Variants in UBQLN1 observed in about 807,000 individuals in gnomAD.
UBQLN1 encodes the protein ubiquilin-1.
A neutral mutation model predicts 65.4 loss-of-function variants in UBQLN1; 13 were observed. The observed-to-expected ratio is 0.20, with a 90% CI of 0.13 to 0.32. The LOEUF is 0.32. Ranked by LOEUF, UBQLN1 falls within the 10% of genes least tolerant of loss-of-function variation. The pLI is 1.00. For synonymous variants in UBQLN1, 267 were observed against 247.8 expected, an observed-to-expected ratio of 1.08 and a Z score of -0.73; for missense variants, 561 against 724.0, an observed-to-expected ratio of 0.77 and a Z score of 2.58.
intron 9 of UBQLN1, among the ~76,000 whole-genome samples, chr9:83,664,418 A>G (rs1214219388): frequency 6.6e-6 from 1 of 152,026 alleles, no homozygotes; most frequent in East Asian, 1.9e-4. Context: ...GACTATCTCT[A>G]AAAGGAATTT....
intron 3 of UBQLN1, 81 bp from the exon 4 acceptor site, chr9:83,680,118 A>T (rs943012588): frequency 7.0e-7 from 1 of 1,419,938 alleles, no homozygotes; most frequent in East Asian, 2.4e-5. Flanking sequence ...GAAGATGCAA[A>T]AAAGTATTAG....
rs756343425 is a variant in UBQLN1 at position 83,667,778 on chromosome 9, CAA to C, written c.1249-1347_1249-1346del. 1.7e-3 allele frequency: 1,620 copies of C among 973,610 alleles called. 7 individuals are homozygous for C. Among genetic ancestry groups the C allele is most frequent in the Non-Finnish European group, 1.5e-3 (1,201 of 819,408 alleles). 60.3% of individuals were successfully genotyped at this position (973,610 alleles called of 1,614,324 possible). On this transcript the variant is annotated intron_variant, in intron 7 of 10. Transcript: ENST00000376395. ...TGCTTATACCACAAGTTTTTACACT[CAA>C]GAGTCTTTTTAAATATTTAAAAATC...
At chr9:83,692,330 A>C (rs1275385546) in intron 1 of UBQLN1, among the ~76,000 whole-genome samples, 1 of 152,240 alleles carries the variant, frequency 6.6e-6, no homozygotes, top group Non-Finnish European at 1.5e-5. Context: ...GAAAGTTTTC[A>C]GATTACACTG....
At position 83,678,082 on chromosome 9, in the gene UBQLN1, C is replaced by T. The variant is rs1466143500; in HGVS notation, c.871-121G>A. 35 of 755,598 alleles carry T rather than the reference C, an allele frequency of 4.6e-5. No individual in the cohort carries two copies. In the East Asian group the frequency reaches 7.1e-4, roughly 15 times the overall value. 46.8% of individuals were successfully genotyped at this position (755,598 alleles called of 1,614,324 possible). ...TGTGACCCAGGCTGGAGTGCAGTGG[C>T]GCGATCTCGGCTCACTGCAAGCTCC... is the stretch of plus-strand genomic sequence containing the variant. On this transcript the variant is annotated intron_variant, in intron 5 of 10. Coordinates refer to ENST00000376395, the MANE Select transcript of UBQLN1 (RefSeq NM_013438.5).
intron 6 of UBQLN1, among the ~76,000 whole-genome samples, chr9:83,673,825 A>G (rs1831781161): frequency 6.6e-6 from 1 of 152,082 alleles, no homozygotes; most frequent in African/African-American, 2.4e-5. Context: ...GTTTTGAGAC[A>G]GGGTCTTGCT....
intron 6 of UBQLN1, 114 bp from the exon 7 acceptor site, chr9:83,669,441 A>G (rs1342515413): frequency 3.1e-6 from 3 of 982,810 alleles, no homozygotes; most frequent in East Asian, 2.9e-5. Flanking sequence ...ATGATTATAC[A>G]TATTATGTAT....
rs559247762 is a variant in UBQLN1, at chr9:83,707,838, G to C, written c.-159C>G. 4.4e-6 allele frequency: 5 copies of C among 1,133,114 alleles called. No homozygotes were observed. The African/African-American group carries it at 6.6e-5, about 15-fold the overall frequency. 70.2% of individuals were successfully genotyped at this position (1,133,114 alleles called of 1,614,324 possible). A position where few individuals can be genotyped will look rare whatever the true frequency, so the allele number is the denominator to read the frequency against. On this transcript the variant is annotated 5_prime_UTR_variant, in exon 1 of 11. Coordinates refer to ENST00000376395, the MANE Select transcript of UBQLN1 (RefSeq NM_013438.5). The stretch of plus-strand genomic sequence containing the variant: ...GCGCAGGGCCACCGTAGCGGGTGTG[G>C]GGCCCCGGAGCTCGGTGCAGGCTCT...
chr9:83,702,130 T>C (rs903476398), intron 1 of UBQLN1, among the ~76,000 whole-genome samples: 3 of 152,184 alleles, frequency 2.0e-5, no homozygotes, highest in African/African-American at 7.2e-5. Flanking sequence ...AATAGATCAG[T>C]AGTTGCCTAA....
chr9:83,667,612 T>A (rs1313914784), intron 7 of UBQLN1: 2 of 985,316 alleles, frequency 2.0e-6, no homozygotes, highest in Non-Finnish European at 2.4e-6. Context: ...TGGTTCCAAA[T>A]ACTTATCATC....
chr9:83,668,120 G>A (rs1831672556), intron 7 of UBQLN1: 6 of 985,170 alleles, frequency 6.1e-6, no homozygotes, highest in Middle Eastern at 5.2e-4. Context: ...AGTTTCATAT[G>A]CATAAATCAA....
At chr9:83,685,967 C>G in intron 2 of UBQLN1, 37 bp downstream of exon 2, 10 of 1,551,048 alleles carry the variant, frequency 6.4e-6, no homozygotes, top group Non-Finnish European at 8.7e-6. Context: ...GAACATTTAT[C>G]CACAATTTTA....
chr9:83,666,604 G>A, intron 7 of UBQLN1, 171 bp from the exon 8 acceptor site: 3 of 539,080 alleles, frequency 5.6e-6, no homozygotes, highest in Non-Finnish European at 9.7e-6. Context: ...GGGATCTCCA[G>A]AAGAACAAAA....
intron 10 of UBQLN1, among the ~76,000 whole-genome samples, chr9:83,662,491 T>C (rs947721053): frequency 2.6e-5 from 4 of 152,154 alleles, no homozygotes; most frequent in African/African-American, 9.7e-5. Flanking sequence ...CCCAAAATTA[T>C]ACTCTTAATT....
Position 83,668,296 on chromosome 9 carries a change from C to A in UBQLN1, c.1248+889G>T, listed in dbSNP as rs186286563. 106 of 984,352 alleles carry A rather than the reference C, an allele frequency of 1.1e-4. No homozygotes were observed. In the East Asian group the frequency reaches 9.5e-3, roughly 89 times the overall value. 61.0% of individuals were successfully genotyped at this position (984,352 alleles called of 1,614,324 possible). On this transcript the variant is annotated intron_variant, in intron 7 of 10. Transcript: ENST00000376395. ...AGTTTTAGAATTTAGAAAATAAAAA[C>A]CATTCATTTGACTTAAAGCTTTTAA... is the stretch of plus-strand genomic sequence containing the variant.
intron 7 of UBQLN1, chr9:83,668,185 T>G (rs1185127390): frequency 2.1e-5 from 21 of 985,224 alleles, no homozygotes; most frequent in Non-Finnish European, 2.5e-5. Context: ...AAATTCTTCT[T>G]AAAATTTGTT....
intron 7 of UBQLN1, chr9:83,668,469 T>C (rs1390089228): frequency 3.0e-6 from 3 of 985,246 alleles, no homozygotes; most frequent in African/African-American, 1.7e-5. Context: ...GTATGGAACC[T>C]AGATAGTACC....
At chr9:83,703,743 T>G (rs1832350680) in intron 1 of UBQLN1, among the ~76,000 whole-genome samples, 1 of 152,180 alleles carries the variant, frequency 6.6e-6, no homozygotes, top group Non-Finnish European at 1.5e-5. Flanking sequence ...AATTTCACTC[T>G]AAATTGGAAA....
chr9:83,707,360 G>A lies in UBQLN1; in HGVS notation c.180+140C>T, dbSNP rs1265132213. 6 of 936,870 alleles carry A rather than the reference G, an allele frequency of 6.4e-6. No individual in the cohort carries two copies. In the South Asian group the frequency reaches 1.1e-4, roughly 17 times the overall value. The allele number at this position is 936,870 out of a possible 1,614,324, so 58.0% of individuals were successfully genotyped here. A position where few individuals can be genotyped will look rare whatever the true frequency, so the allele number is the denominator to read the frequency against. ...CCAAGGCGCAAACCCACGAACTTGG[G>A]TGTGATCTAATTTGGGACGACGCCC... On this transcript the variant is annotated intron_variant, in intron 1 of 10. Transcript: ENST00000376395.
rs762769384 is a variant in UBQLN1, at chr9:83,669,167, ATACAAT to A, written c.1248+12_1248+17del. On this transcript the variant is annotated intron_variant, in intron 7 of 10. Coordinates refer to ENST00000376395, the MANE Select transcript of UBQLN1 (RefSeq NM_013438.5). ...AATTCACACTGCACAGTCTTTTTCA[ATACAAT>A]TACAAACTCACCTGTGCAGCAAGGT... 4.4e-6 allele frequency: 7 copies of A among 1,596,744 alleles called. No homozygotes were observed. In the African/African-American group the frequency reaches 9.5e-5, roughly 22 times the overall value.
Sources: gnomAD v4.1 joint callset for allele counts (sites outside exome capture counted in the v4.1 genomes callset) on GRCh38, gnomAD v4.1.1 for gene constraint, MANE v1.5 for transcripts, NCBI Gene and HGNC (gene_info 2026-07-23, HGNC 2026-07-21) for gene names.